PLD5: variants seen among roughly 807,000 people sequenced by gnomAD.
PLD5 encodes the protein inactive phospholipase D5.
In PLD5, 36 loss-of-function variants were observed where a neutral mutation model predicts 61.1. The ratio of observed to expected loss-of-function variants is 0.59; its 90% CI spans 0.45 to 0.78. The LOEUF (loss-of-function observed/expected upper bound fraction) is 0.78. Among genes scored for constraint, PLD5 ranks in the 30% least tolerant of loss-of-function variants. The pLI is 0.00. For missense variants in PLD5, 515 were observed against 644.4 expected (o/e 0.80, Z 2.17); for synonymous variants, 243 against 242.8 (o/e 1.00, Z -0.01).
At chr1:242,355,305 T>C (rs1011636772) in intron 1 of PLD5, among the ~76,000 whole-genome samples, 3 of 152,174 alleles carry the variant, frequency 2.0e-5, no homozygotes, top group Non-Finnish European at 4.4e-5. Flanking sequence ...TCACTTGTTA[T>C]TCATCTGCTC....
intron 1 of PLD5, among the ~76,000 whole-genome samples, chr1:242,436,508 C>A (rs7520338): frequency 0.26 from 40,115 of 152,048 alleles, 6,652 homozygotes; most frequent in African/African-American, 0.47. Context: ...CTTTACAACA[C>A]AACTATGTTA....
intron 1 of PLD5, among the ~76,000 whole-genome samples, chr1:242,390,065 GGC>G (rs1662838383): frequency 2.2e-5 from 1 of 46,068 alleles, no homozygotes; most frequent in African/African-American, 7.1e-5. Flanking sequence ...TTGTCTCCCA[GGC>G]TGGAGTGCAG....
intron 5 of PLD5, chr1:242,210,441 G>C (rs907322502): frequency 3.8e-5 from 6 of 156,388 alleles, no homozygotes; most frequent in African/African-American, 1.4e-4. Context: ...CGCCTTAACT[G>C]ATGACATTCC....
chr1:242,432,869 G>A (rs1445854960), intron 1 of PLD5, among the ~76,000 whole-genome samples: 3 of 152,126 alleles, frequency 2.0e-5, no homozygotes, highest in Non-Finnish European at 4.4e-5. Context: ...GGAAAATGTG[G>A]CCATTTAAAA....
At chr1:242,474,423 T>G (rs578251974) in intron 1 of PLD5, among the ~76,000 whole-genome samples, 1 of 152,294 alleles carries the variant, frequency 6.6e-6, no homozygotes, top group South Asian at 2.1e-4. Flanking sequence ...GCCAAGTCCC[T>G]TCAAAATTAC....
intron 1 of PLD5, among the ~76,000 whole-genome samples, chr1:242,395,104 T>G (rs968177203): frequency 6.9e-6 from 1 of 145,774 alleles, no homozygotes; most frequent in Non-Finnish European, 1.5e-5. Flanking sequence ...TATATATGTA[T>G]GTATATGAAT....
chr1:242,254,362 A>G (rs201780630), intron 4 of PLD5, among the ~76,000 whole-genome samples: 5 of 151,346 alleles, frequency 3.3e-5, no homozygotes, highest in East Asian at 1.9e-4. Context: ...AAAAAAAAAA[A>G]AAAGAAAGAA....
intron 2 of PLD5, among the ~76,000 whole-genome samples, chr1:242,291,025 C>A (rs1189789039): frequency 6.6e-6 from 1 of 152,194 alleles, no homozygotes; most frequent in Non-Finnish European, 1.5e-5. Flanking sequence ...TGGCCTGCCT[C>A]TCTGCAGCTT....
intron 4 of PLD5, among the ~76,000 whole-genome samples, chr1:242,238,865 C>T (rs893965961): frequency 9.2e-5 from 14 of 152,056 alleles, no homozygotes; most frequent in African/African-American, 2.2e-4. Flanking sequence ...AGCAGGCTTT[C>T]GTTAAAGCTC....
At chr1:242,280,639 G>T (rs1482751547) in intron 3 of PLD5, among the ~76,000 whole-genome samples, 1 of 152,072 alleles carries the variant, frequency 6.6e-6, no homozygotes, top group Non-Finnish European at 1.5e-5. Context: ...TAGGCTCAAA[G>T]AATTTCAATT....
chr1:242,289,554 T>C (rs367857250), intron 2 of PLD5, among the ~76,000 whole-genome samples: 142 of 152,232 alleles, frequency 9.3e-4, no homozygotes, highest in Middle Eastern at 3.4e-3. Context: ...GGTTTCACCA[T>C]GTTGGACAGG....
At chr1:242,132,122 C>A (rs1023724668) in intron 5 of PLD5, among the ~76,000 whole-genome samples, 1 of 141,556 alleles carries the variant, frequency 7.1e-6, no homozygotes, top group Non-Finnish European at 1.5e-5. Context: ...TGAGCCACCA[C>A]GCCCAGACTT....
intron 5 of PLD5, among the ~76,000 whole-genome samples, chr1:242,206,839 A>G (rs1157690641): frequency 6.6e-6 from 1 of 152,064 alleles, no homozygotes; most frequent in Non-Finnish European, 1.5e-5. Flanking sequence ...ATTCAGTGTA[A>G]TTTTTATTGA....
intron 5 of PLD5, among the ~76,000 whole-genome samples, chr1:242,174,777 T>A (rs1468568644): frequency 1.3e-5 from 2 of 151,982 alleles, no homozygotes; most frequent in Non-Finnish European, 2.9e-5. Flanking sequence ...GAAACCATCA[T>A]TCTCAGCAAA....
At chr1:242,140,588 G>A (rs1664088701) in intron 5 of PLD5, among the ~76,000 whole-genome samples, 3 of 152,122 alleles carry the variant, frequency 2.0e-5, no homozygotes, top group Admixed American at 2.0e-4. Context: ...AGTGGGCCAG[G>A]ATCACACCAC....
At position 242,439,690 on chromosome 1, in the gene PLD5, T is replaced by C. The variant is rs371495261; in HGVS notation, c.189+84398A>G. Among the ~76,000 whole-genome samples, 44 of 152,328 alleles carry C rather than the reference T, an allele frequency of 2.9e-4. 1 individual carries two copies. The East Asian group carries it at 7.3e-3, about 25-fold the overall frequency. Reference sequence around the variant, plus strand: ...CCATCCAATTTTCCGTGAAGCACACTACGGACTGCAGGTATAAACGAATGC... The same window carrying C: ...CCATCCAATTTTCCGTGAAGCACACCACGGACTGCAGGTATAAACGAATGC... On this transcript the variant is annotated intron_variant, in intron 1 of 9. Coordinates refer to ENST00000536534, the MANE Select transcript of PLD5 (RefSeq NM_001372062.1).
chr1:242,350,639 A>G (rs1011889538), intron 1 of PLD5, among the ~76,000 whole-genome samples: 1 of 152,180 alleles, frequency 6.6e-6, no homozygotes, highest in African/African-American at 2.4e-5. Flanking sequence ...AGTTAGAAAG[A>G]GATGTAGTCA....
At chr1:242,372,599 A>G (rs921522609) in intron 1 of PLD5, among the ~76,000 whole-genome samples, 3 of 152,214 alleles carry the variant, frequency 2.0e-5, no homozygotes, top group Admixed American at 6.5e-5. Flanking sequence ...ACAGAGATAT[A>G]GACCAATCAA....
chr1:242,417,511 G>A (rs1372269524), intron 1 of PLD5, among the ~76,000 whole-genome samples: 1 of 152,230 alleles, frequency 6.6e-6, no homozygotes, highest in African/African-American at 2.4e-5. Context: ...TATGGCTGCA[G>A]AACTGCCTCT....
Sources: gnomAD v4.1 joint callset for allele counts (sites outside exome capture counted in the v4.1 genomes callset) on GRCh38, gnomAD v4.1.1 for gene constraint, MANE v1.5 for transcripts, NCBI Gene and HGNC (gene_info 2026-07-23, HGNC 2026-07-21) for gene names.